SEMA6D: variants seen among roughly 807,000 people sequenced by gnomAD.
SEMA6D encodes the protein semaphorin-6D.
SEMA6D carries 35 observed loss-of-function variants against 106.6 expected under a neutral mutation model. The ratio of observed to expected loss-of-function variants is 0.33; its 90% CI spans 0.25 to 0.44. The LOEUF (loss-of-function observed/expected upper bound fraction) is 0.44, where lower values mean the gene tolerates loss of function less well. SEMA6D is among the 20% of genes least tolerant of loss of function. SEMA6D has a pLI of 1.00. For synonymous variants in SEMA6D, 499 were observed against 487.7 expected (o/e 1.02, Z -0.31); for missense variants, 1,185 against 1,345.9 (o/e 0.88, Z 1.87).
chr15:47,729,862 C>T (rs961792851), intron 1 of SEMA6D, among the ~76,000 whole-genome samples: 7 of 152,194 alleles, frequency 4.6e-5, no homozygotes, highest in Non-Finnish European at 1.0e-4. Flanking sequence ...GAAAAAGGAG[C>T]TGAGAGTCTG....
At chr15:47,607,887 G>T (rs148767655) in intron 4 of SEMA6D, among the ~76,000 whole-genome samples, 1 of 152,352 alleles carries the variant, frequency 6.6e-6, no homozygotes, top group East Asian at 1.9e-4. Context: ...GATGCCAGGA[G>T]TATGCTGGGC....
chr15:47,676,875 G>A (rs997236074), intron 4 of SEMA6D, among the ~76,000 whole-genome samples: 1 of 151,920 alleles, frequency 6.6e-6, no homozygotes, highest in African/African-American at 2.4e-5. Context: ...GAAAGCAGCA[G>A]TCTCCAACCT....
At chr15:47,249,496 C>A (rs918377935) in intron 1 of SEMA6D, among the ~76,000 whole-genome samples, 1 of 151,404 alleles carries the variant, frequency 6.6e-6, no homozygotes. Flanking sequence ...TCTCTACCCA[C>A]CCCCCATGCT....
Position 47,759,879 on chromosome 15 carries a change from T to C in SEMA6D, c.81T>C (p.Asp27=). 2 of 1,613,426 alleles carry C rather than the reference T, an allele frequency of 1.2e-6. No homozygotes were observed. The highest frequency in any genetic ancestry group is 1.7e-6 in the Non-Finnish European group (2 of 1,179,418). Residue 27 remains aspartate, a synonymous_variant, in exon 2 of 19, where the codon GAT becomes GAC. Transcript: ENST00000536845. ...GGGCAGTCAGCTTTCCTGAAGATGA[T>C]GAACCCCTTAATACTGTCGACTATC... ...QLRAVSFPED[D]EPLNTVDYHY...
chr15:47,202,320 C>T (rs914873289), intron 1 of SEMA6D, among the ~76,000 whole-genome samples: 2 of 152,064 alleles, frequency 1.3e-5, no homozygotes, highest in African/African-American at 4.8e-5. Flanking sequence ...TGATCAACAG[C>T]TTCCTGATAA....
chr15:47,693,135 A>G (rs1338257437), intron 4 of SEMA6D, among the ~76,000 whole-genome samples: 2 of 152,276 alleles, frequency 1.3e-5, no homozygotes, highest in Non-Finnish European at 2.9e-5. Flanking sequence ...AGGTTGTTAC[A>G]ATGGTCCCTA....
chr15:47,442,950 T>C (rs930152401), intron 2 of SEMA6D, among the ~76,000 whole-genome samples: 2 of 152,156 alleles, frequency 1.3e-5, no homozygotes, highest in African/African-American at 4.8e-5. Context: ...CTTAAGTGTG[T>C]ATACCAAATA....
intron 1 of SEMA6D, among the ~76,000 whole-genome samples, chr15:47,233,990 TC>T (rs2032380869): frequency 6.6e-6 from 1 of 152,054 alleles, no homozygotes; most frequent in Non-Finnish European, 1.5e-5. Context: ...TCTTGCTGTG[TC>T]CCTGATCTTG....
rs150450092 is a variant in SEMA6D, at chr15:47,194,701, CT to C, written c.-239+10286del. On this transcript the variant is annotated intron_variant, in intron 1 of 19. Transcript: ENST00000558014. ...CATGACATAAAAACAAAACTGTTTT[CT>C]TTCTTTGACTCAGCCAGTTTTTAAA... is the stretch of plus-strand genomic sequence containing the variant. Among the ~76,000 whole-genome samples, 1,406 of 152,236 alleles carry C rather than the reference CT, an allele frequency of 9.2e-3. 21 individuals carry two copies. Among genetic ancestry groups the C allele is most frequent in the African/African-American group, 0.032 (1,347 of 41,540 alleles).
chr15:47,707,414 GTATC>G (rs1479602943), intron 4 of SEMA6D, among the ~76,000 whole-genome samples: 4 of 152,152 alleles, frequency 2.6e-5, no homozygotes, highest in East Asian at 1.9e-4. Context: ...AGTTTTAAAA[GTATC>G]TATCAGCATT....
At chr15:47,682,417 T>A (rs1288233508) in intron 4 of SEMA6D, among the ~76,000 whole-genome samples, 1 of 151,994 alleles carries the variant, frequency 6.6e-6, no homozygotes, top group Non-Finnish European at 1.5e-5. Flanking sequence ...TCCGCCCCCC[T>A]CGGCCTCCCA....
At chr15:47,652,535 G>A (rs1801127499) in intron 4 of SEMA6D, among the ~76,000 whole-genome samples, 1 of 152,100 alleles carries the variant, frequency 6.6e-6, no homozygotes, top group African/African-American at 2.4e-5. Context: ...TGTTAAAAAT[G>A]TAACTGTGGA....
At chr15:47,382,261 C>A (rs1182058998) in intron 1 of SEMA6D, among the ~76,000 whole-genome samples, 5 of 152,154 alleles carry the variant, frequency 3.3e-5, no homozygotes, top group Non-Finnish European at 7.4e-5. Flanking sequence ...GTAATCCCAG[C>A]ACTTTGGGAG....
At chr15:47,410,892 G>A (rs1380926865) in intron 1 of SEMA6D, among the ~76,000 whole-genome samples, 1 of 152,110 alleles carries the variant, frequency 6.6e-6, no homozygotes, top group East Asian at 1.9e-4. Flanking sequence ...TTGAAATGGT[G>A]AAATAATGCA....
At chr15:47,762,877 C>A (rs750680071) in intron 8 of SEMA6D, 139 bp from the exon 9 acceptor site, 47 of 633,346 alleles carry the variant, frequency 7.4e-5, no homozygotes, top group Non-Finnish European at 1.2e-4. Flanking sequence ...ATTGGGACTC[C>A]TCAAAGTCAT....
intron 4 of SEMA6D, among the ~76,000 whole-genome samples, chr15:47,694,775 A>G (rs1362125486): frequency 1.3e-5 from 2 of 152,174 alleles, no homozygotes; most frequent in African/African-American, 4.8e-5. Context: ...CGGAAAGAAT[A>G]TGGCAGCTTT....
intron 4 of SEMA6D, among the ~76,000 whole-genome samples, chr15:47,679,522 C>A (rs962791414): frequency 2.0e-5 from 3 of 152,186 alleles, no homozygotes; most frequent in Non-Finnish European, 2.9e-5. Flanking sequence ...TTCACTCTGG[C>A]CCCTCGGCAG....
intron 4 of SEMA6D, among the ~76,000 whole-genome samples, chr15:47,634,164 G>A (rs536465355): frequency 2.0e-4 from 30 of 152,240 alleles, no homozygotes; most frequent in African/African-American, 6.5e-4. Flanking sequence ...CTAGATCGGT[G>A]TGTATGTTTA....
chr15:47,526,528 G>A (rs1331922302), intron 3 of SEMA6D, among the ~76,000 whole-genome samples: 1 of 152,188 alleles, frequency 6.6e-6, no homozygotes, highest in East Asian at 1.9e-4. Flanking sequence ...CAGCTAGCCA[G>A]TATTGGCCAT....
Sources: allele counts gnomAD v4.1 joint callset (sites outside exome capture counted in the v4.1 genomes callset), GRCh38; gene constraint gnomAD v4.1.1; transcripts MANE v1.5; gene names NCBI Gene and HGNC (gene_info 2026-07-23, HGNC 2026-07-21).